DIAPH2: variants seen among roughly 807,000 people sequenced by gnomAD.
The protein encoded by DIAPH2 is protein diaphanous homolog 2.
DIAPH2 carries 35 observed loss-of-function variants against 92.7 expected under a neutral mutation model. The observed-to-expected ratio is 0.38, with a 90% CI of 0.29 to 0.50. The LOEUF (loss-of-function observed/expected upper bound fraction) is 0.50, where lower values mean the gene tolerates loss of function less well. DIAPH2 is among the 20% of genes least tolerant of loss of function. The probability of loss-of-function intolerance (pLI) is 0.94; values close to 1 mark genes in which losing one functional copy is unlikely to be tolerated. For synonymous variants in DIAPH2, 301 were observed against 280.4 expected (o/e 1.07, Z -0.73); for missense variants, 701 against 819.5 (o/e 0.86, Z 1.77).
At position 97,560,394 on chromosome X, in the gene DIAPH2, T is replaced by C. The variant is rs776840344; in HGVS notation, c.3242-38859T>C. Among the ~76,000 whole-genome samples the C allele has an allele frequency of 6.0e-4, 67 of 112,565 alleles. 1 individual carries two copies. The highest frequency in any genetic ancestry group is 2.1e-3 in the African/African-American group (66 of 31,029). On this transcript the variant is annotated intron_variant, in intron 26 of 26. Transcript: ENST00000324765. ...TAAACCTCAGATGGCTACTACCGTA[T>C]ACCCCTCAACAGCCAGTTAGCTGTG...
chrX:96,876,437 G>T (rs1016156951), intron 4 of DIAPH2, among the ~76,000 whole-genome samples: 3 of 111,629 alleles, frequency 2.7e-5, no homozygotes, highest in Non-Finnish European at 5.6e-5. Context: ...TATAAATCAT[G>T]CTACTATAAA....
intron 21 of DIAPH2, among the ~76,000 whole-genome samples, chrX:97,119,026 A>G (rs1228249978): frequency 9.0e-6 from 1 of 111,423 alleles, no homozygotes; most frequent in East Asian, 2.8e-4. Flanking sequence ...TAGCGTAATA[A>G]CCAACATCCT....
intron 23 of DIAPH2, among the ~76,000 whole-genome samples, chrX:97,331,197 A>G (rs1433220110): frequency 8.9e-6 from 1 of 111,737 alleles, no homozygotes; most frequent in African/African-American, 3.2e-5. Flanking sequence ...AAATTTTCAC[A>G]GGGCACATTT....
At chrX:97,007,407 A>G (rs894573128) in intron 17 of DIAPH2, among the ~76,000 whole-genome samples, 1 of 110,831 alleles carries the variant, frequency 9.0e-6, no homozygotes, top group Non-Finnish European at 1.9e-5. Context: ...TTTGTCCTTC[A>G]TGTTTGAAGG....
rs772231088 is a variant in DIAPH2, at chrX:97,603,613, A to C, written c.*4296A>C. The C allele has an allele frequency of 3.4e-4, 38 of 112,216 alleles. No homozygotes were observed. Among genetic ancestry groups the C allele is most frequent in the Admixed American group, 9.4e-4 (10 of 10,589 alleles). 9.2% of individuals were successfully genotyped at this position (112,216 alleles called of 1,213,427 possible). ...TATTTTACTATAAGCACTAAGAAGAAACTAAGCTATATCTCTAACACTAGA... is the reference window on the plus strand; with the variant it reads ...TATTTTACTATAAGCACTAAGAAGACACTAAGCTATATCTCTAACACTAGA... On this transcript the variant is annotated 3_prime_UTR_variant, in exon 27 of 27. Coordinates refer to ENST00000324765, the MANE Select transcript of DIAPH2 (RefSeq NM_006729.5).
At chrX:96,991,710 G>A (rs2066073676) in intron 17 of DIAPH2, among the ~76,000 whole-genome samples, 1 of 110,389 alleles carries the variant, frequency 9.1e-6, no homozygotes, top group Non-Finnish European at 1.9e-5. Flanking sequence ...GAGGTTTGCC[G>A]TTTAATCTGT....
intron 22 of DIAPH2, among the ~76,000 whole-genome samples, chrX:97,212,590 G>GTTTTTTTTTTT (rs57173350): frequency 1.5e-5 from 1 of 67,840 alleles, no homozygotes. Context: ...AGGGTTTTTT[G>GTTTTTTTTTTT]TTTTTTTTTT....
intron 17 of DIAPH2, among the ~76,000 whole-genome samples, chrX:97,018,232 A>C (rs1049855065): frequency 1.8e-5 from 2 of 112,069 alleles, no homozygotes; most frequent in Admixed American, 1.9e-4. Flanking sequence ...CTCTAATTTT[A>C]TTTGCCTATT....
chrX:96,748,289 G>A (rs1440663917), intron 3 of DIAPH2, among the ~76,000 whole-genome samples: 2 of 111,939 alleles, frequency 1.8e-5, no homozygotes, highest in Admixed American at 9.5e-5. Context: ...CATGTTGGAA[G>A]TGTAAAGATG....
At chrX:96,880,170 A>C (rs1340506628) in intron 4 of DIAPH2, among the ~76,000 whole-genome samples, 1 of 112,132 alleles carries the variant, frequency 8.9e-6, no homozygotes, top group Non-Finnish European at 1.9e-5. Flanking sequence ...GTTCAATAAT[A>C]ACACACTTTT....
intron 10 of DIAPH2, among the ~76,000 whole-genome samples, chrX:96,935,653 A>C (rs956722841): frequency 9.0e-6 from 1 of 111,432 alleles, no homozygotes; most frequent in African/African-American, 3.3e-5. Flanking sequence ...ATTGTGCTAT[A>C]TGTGCTCATA....
intron 17 of DIAPH2, among the ~76,000 whole-genome samples, chrX:96,967,868 G>A (rs1264192037): frequency 8.9e-6 from 1 of 112,021 alleles, no homozygotes; most frequent in Non-Finnish European, 1.9e-5. Context: ...AAAAGTGCAT[G>A]TGTCTTTTGG....
chrX:97,203,114 G>A (rs1442612810), intron 22 of DIAPH2, among the ~76,000 whole-genome samples: 1 of 111,815 alleles, frequency 8.9e-6, no homozygotes, highest in African/African-American at 3.3e-5. Context: ...GAAGTTCTTT[G>A]AAACCAATGA....
At chrX:96,982,386 A>G (rs747441777) in intron 17 of DIAPH2, among the ~76,000 whole-genome samples, 4 of 112,374 alleles carry the variant, frequency 3.6e-5, no homozygotes, top group African/African-American at 6.5e-5. Context: ...TGGCTTACTG[A>G]GAGCTGACTG....
chrX:96,885,166 CTTT>C, intron 5 of DIAPH2: 2 of 951,616 alleles, frequency 2.1e-6, no homozygotes. Context: ...GACCTGTTGA[CTTT>C]TTAGGAAGTA....
At chrX:96,741,157 C>G (rs2147573893) in intron 3 of DIAPH2, among the ~76,000 whole-genome samples, 1 of 108,667 alleles carries the variant, frequency 9.2e-6, no homozygotes, top group East Asian at 2.9e-4. Context: ...ACAGATATTG[C>G]TTCAATAATT....
intron 4 of DIAPH2, among the ~76,000 whole-genome samples, chrX:96,761,335 G>A (rs904693960): frequency 9.7e-6 from 1 of 103,270 alleles, no homozygotes; most frequent in African/African-American, 3.4e-5. Flanking sequence ...CCATTGAGAG[G>A]CAGCATTGGT....
intron 22 of DIAPH2, among the ~76,000 whole-genome samples, chrX:97,218,521 T>C: frequency 9.0e-6 from 1 of 111,453 alleles, no homozygotes; most frequent in Non-Finnish European, 1.9e-5. Context: ...ATCTCAATTA[T>C]ATGCATTTTA....
intron 17 of DIAPH2, among the ~76,000 whole-genome samples, chrX:96,996,029 C>T (rs980319012): frequency 9.0e-6 from 1 of 110,993 alleles, no homozygotes; most frequent in Non-Finnish European, 1.9e-5. Context: ...TGCCACATTA[C>T]ATTATATGCT....
Sources: gnomAD v4.1 joint callset for allele counts (sites outside exome capture counted in the v4.1 genomes callset) on GRCh38, gnomAD v4.1.1 for gene constraint, MANE v1.5 for transcripts, NCBI Gene and HGNC (gene_info 2026-07-23, HGNC 2026-07-21) for gene names.